Variants in TMA7B observed in about 807,000 individuals in gnomAD.
TMA7B encodes translation machinery-associated protein 7B.
chr22:39,960,761 TA>T, the TMA7B span: 1 of 152,490 alleles, frequency 6.6e-6, no homozygotes, highest in Non-Finnish European at 1.5e-5. Flanking sequence ...TGGACACATT[TA>T]TTTAATCAAA....
chr22:39,960,981 T>C, the TMA7B span: 2 of 143,434 alleles, frequency 1.4e-5, no homozygotes, highest in Admixed American at 1.4e-4. Flanking sequence ...TGGAGACAGC[T>C]GTTGCCCAGG....
chr22:39,961,848 G>A, the TMA7B span, among the ~76,000 whole-genome samples: 8 of 152,222 alleles, frequency 5.3e-5, no homozygotes, highest in African/African-American at 1.9e-4. Flanking sequence ...CCAATCTCAA[G>A]TAATAAACTG....
the TMA7B span, chr22:39,964,722 A>C: frequency 2.0e-6 from 1 of 491,842 alleles, no homozygotes. Flanking sequence ...TTGTAAAAAA[A>C]AAAAAAAAAA....
chr22:39,963,512 G>A, the TMA7B span, among the ~76,000 whole-genome samples: 1 of 152,186 alleles, frequency 6.6e-6, no homozygotes, highest in African/African-American at 2.4e-5. Context: ...TGTTGTCTTA[G>A]AATGAAGAAA....
At chr22:39,961,072 A>G in the TMA7B span, among the ~76,000 whole-genome samples, 8 of 151,922 alleles carry the variant, frequency 5.3e-5, no homozygotes, top group East Asian at 1.5e-3. Context: ...CAGCCTCTCA[A>G]GTAGCTGGGG....
the TMA7B span, among the ~76,000 whole-genome samples, chr22:39,963,531 T>C: frequency 2.9e-4 from 44 of 152,342 alleles, no homozygotes; most frequent in African/African-American, 1.0e-3. Flanking sequence ...AAGTATCTGT[T>C]GGTGGCCAAA....
chr22:39,960,531 TAGG>T, the TMA7B span: 12 of 213,170 alleles, frequency 5.6e-5, no homozygotes, highest in Non-Finnish European at 8.6e-5. Context: ...GAAGGAGGGA[TAGG>T]AGGAGGAGAA....
the TMA7B span, among the ~76,000 whole-genome samples, chr22:39,962,950 C>T: frequency 1.4e-4 from 22 of 152,066 alleles, no homozygotes; most frequent in African/African-American, 4.8e-4. Context: ...ATTACAGGCG[C>T]GACCCACTGT....
At chr22:39,964,773 A>T in the TMA7B span, 1 of 440,018 alleles carries the variant, frequency 2.3e-6, no homozygotes, top group Non-Finnish European at 4.0e-6. Context: ...TGTTTTCACT[A>T]AGTCATTCCT....
chr22:39,961,299 G>A, the TMA7B span, among the ~76,000 whole-genome samples: 2 of 152,130 alleles, frequency 1.3e-5, no homozygotes, highest in South Asian at 2.1e-4. Flanking sequence ...AGAAAGAGGA[G>A]CGGGAGACAG....
the TMA7B span, among the ~76,000 whole-genome samples, chr22:39,961,094 C>A: frequency 5.9e-5 from 9 of 151,924 alleles, 1 homozygote. Flanking sequence ...TACAGGTGCA[C>A]ACCACCACAC....
At chr22:39,962,149 G>A in the TMA7B span, among the ~76,000 whole-genome samples, 5 of 152,312 alleles carry the variant, frequency 3.3e-5, no homozygotes, top group South Asian at 6.2e-4. Flanking sequence ...AGGGTCGGGC[G>A]CCGTGGCTCA....
At chr22:39,961,527 G>C in the TMA7B span, among the ~76,000 whole-genome samples, 2 of 152,182 alleles carry the variant, frequency 1.3e-5, no homozygotes, top group African/African-American at 4.8e-5. Flanking sequence ...GGCCAGGAGT[G>C]GGGGAGGACT....
the TMA7B span, chr22:39,964,494 C>T: frequency 4.8e-6 from 5 of 1,031,524 alleles, no homozygotes; most frequent in East Asian, 2.4e-5. Flanking sequence ...AGAAGAAACT[C>T]GAGGTGCTAA....
chr22:39,963,501 A>G, the TMA7B span, among the ~76,000 whole-genome samples: 3 of 152,206 alleles, frequency 2.0e-5, no homozygotes, highest in Admixed American at 6.5e-5. Context: ...GAGTTGATCC[A>G]TGTTGTCTTA....
At chr22:39,962,031 T>C in the TMA7B span, among the ~76,000 whole-genome samples, 3 of 152,252 alleles carry the variant, frequency 2.0e-5, no homozygotes, top group East Asian at 5.8e-4. Context: ...TTTTCATAGC[T>C]TGGAGAATGG....
chr22:39,963,061 G>A, the TMA7B span, among the ~76,000 whole-genome samples: 16 of 152,280 alleles, frequency 1.1e-4, no homozygotes, highest in African/African-American at 2.6e-4. Context: ...ATATTCAGGC[G>A]ATGAAGCTTC....
At chr22:39,960,649 C>T in the TMA7B span, 1 of 159,344 alleles carries the variant, frequency 6.3e-6, no homozygotes, top group African/African-American at 2.4e-5. Context: ...TCTCAAGTCA[C>T]TGCTGTAGGA....
chr22:39,964,640 A>G, the TMA7B span: 29 of 624,296 alleles, frequency 4.6e-5, no homozygotes, highest in Non-Finnish European at 7.4e-5. Context: ...ATTCCCTCCT[A>G]TAATATCTTT....
Sources: allele counts gnomAD v4.1 joint callset (sites outside exome capture counted in the v4.1 genomes callset), GRCh38; gene constraint gnomAD v4.1.1; transcripts MANE v1.5; gene names NCBI Gene and HGNC (gene_info 2026-07-23, HGNC 2026-07-21).